Variants in SMG6 observed in about 807,000 individuals in gnomAD.
The protein encoded by SMG6 is SMG6 nonsense mediated mRNA decay factor, also known as telomerase-binding protein EST1A.
Under a neutral mutation model 142.2 loss-of-function variants are expected in SMG6, and 66 were observed. That is an observed-to-expected ratio of 0.46 (90% CI 0.38 to 0.57). SMG6 has a LOEUF of 0.57. Ranked by LOEUF, SMG6 falls within the 20% of genes least tolerant of loss-of-function variation. The pLI is 0.00. For missense variants in SMG6, 1,793 were observed against 1,832.0 expected, an observed-to-expected ratio of 0.98 and a Z score of 0.39; for synonymous variants, 779 against 702.4, an observed-to-expected ratio of 1.11 and a Z score of -1.72.
intron 8 of SMG6, among the ~76,000 whole-genome samples, chr17:2,276,297 C>T (rs1287373685): frequency 6.6e-6 from 1 of 152,134 alleles, no homozygotes; most frequent in African/African-American, 2.4e-5. Flanking sequence ...CATACACACG[C>T]ACACACCCCA....
At chr17:2,098,817 G>T (rs976027345) in intron 13 of SMG6, among the ~76,000 whole-genome samples, 1 of 150,556 alleles carries the variant, frequency 6.6e-6, no homozygotes, top group African/African-American at 2.4e-5. Context: ...TTTTAATAGA[G>T]ACGGAGCTTC....
chr17:2,098,244 C>G (rs757345835), intron 13 of SMG6, among the ~76,000 whole-genome samples: 43 of 152,168 alleles, frequency 2.8e-4, no homozygotes, highest in South Asian at 2.1e-4. Context: ...CCTCAGCCCC[C>G]CAAAGTGTTC....
chr17:2,133,685 G>A (rs1181916129), intron 13 of SMG6, among the ~76,000 whole-genome samples: 1 of 152,178 alleles, frequency 6.6e-6, no homozygotes, highest in African/African-American at 2.4e-5. Context: ...TTACAGGTAC[G>A]TGCTAACACA....
At chr17:2,120,896 G>A (rs141749506) in intron 13 of SMG6, among the ~76,000 whole-genome samples, 256 of 152,262 alleles carry the variant, frequency 1.7e-3, no homozygotes, top group Non-Finnish European at 3.0e-3. Flanking sequence ...TAGGGCAGGG[G>A]TATCCTGGGC....
intron 13 of SMG6, among the ~76,000 whole-genome samples, chr17:2,112,198 C>T (rs916982596): frequency 6.6e-6 from 1 of 151,750 alleles, no homozygotes; most frequent in African/African-American, 2.4e-5. Flanking sequence ...CCTATTACCG[C>T]TTCCCTCTTA....
intron 13 of SMG6, among the ~76,000 whole-genome samples, chr17:2,089,075 G>C (rs1448793134): frequency 2.0e-5 from 3 of 152,152 alleles, no homozygotes; most frequent in African/African-American, 4.8e-5. Context: ...GGACTTCCTG[G>C]TAGGAGAGGG....
chr17:2,266,211 ATG>A, intron 8 of SMG6: 1 of 984,646 alleles, frequency 1.0e-6, no homozygotes, highest in Non-Finnish European at 1.2e-6. Flanking sequence ...GACTTTCCGG[ATG>A]GTAACTAAAG....
chr17:2,253,983 G>A (rs1397285132), intron 8 of SMG6, among the ~76,000 whole-genome samples: 1 of 152,230 alleles, frequency 6.6e-6, no homozygotes, highest in Non-Finnish European at 1.5e-5. Context: ...GAAAGTGCCA[G>A]ATTAAGATTT....
rs764028681 is a variant in SMG6, at chr17:2,299,936, G to C, written c.817C>G (p.Leu273Val). ...CGGCGGCGACATCCATTATCCGTCAGGCCAGCTCCCTCAGCGCTGTTGTTG... is the reference window on the plus strand; with the variant it reads ...CGGCGGCGACATCCATTATCCGTCACGCCAGCTCCCTCAGCGCTGTTGTTG... ...GSNNSAEGAG[L>V]TDNGCRRRRQ... Residue 273 changes from leucine to valine, a missense_variant, in exon 2 of 19, where the codon CTG (leucine) becomes GTG (valine). Coordinates refer to ENST00000263073, the MANE Select transcript of SMG6 (RefSeq NM_017575.5). This position sits in a 1 kb window ranked among gnomAD's most constrained non-coding sequence, Gnocchi z 4.3. 3.1e-6 allele frequency: 5 copies of C among 1,613,998 alleles called. No homozygotes were observed. The highest frequency in any genetic ancestry group is 4.2e-6 in the Non-Finnish European group (5 of 1,180,046).
At position 2,085,440 on chromosome 17, in the gene SMG6, C is replaced by T. The variant is rs1473688346; in HGVS notation, c.3534+285G>A. On this transcript the variant is annotated intron_variant, in intron 14 of 18. Coordinates refer to ENST00000263073, the MANE Select transcript of SMG6 (RefSeq NM_017575.5). The surrounding 1 kb of genome is among the most constrained non-coding windows in gnomAD (Gnocchi z 4.1). ...ACCACCCCCCTCTCCCTTTCCTAAGCCTCGAGAGCTGCACATTATTCAACT... is the reference window on the plus strand; with the variant it reads ...ACCACCCCCCTCTCCCTTTCCTAAGTCTCGAGAGCTGCACATTATTCAACT... Among the ~76,000 whole-genome samples the T allele has an allele frequency of 1.3e-5, 2 of 152,190 alleles. No individual in the cohort carries two copies. The highest frequency in any genetic ancestry group is 2.9e-5 in the Non-Finnish European group (2 of 68,036).
Position 2,207,117 on chromosome 17 carries a change from C to CAAAAAAAAAAAAAA in SMG6, c.2870-18616_2870-18603dup, listed in dbSNP as rs34276256. ...TGAAATCTTGTCTCTACTAAAAATCCAAAAAAAAAAAAAAAAAAAAAAATA... is the reference window on the plus strand; with the variant it reads ...TGAAATCTTGTCTCTACTAAAAATCCAAAAAAAAAAAAAAAAAAAAAAAAAAAAAAAAAAAAATA... On this transcript the variant is annotated intron_variant, in intron 10 of 18. Transcript: ENST00000263073. Among the ~76,000 whole-genome samples the CAAAAAAAAAAAAAA allele has an allele frequency of 3.8e-5, 3 of 79,792 alleles. 1 individual carries two copies. Among genetic ancestry groups the CAAAAAAAAAAAAAA allele is most frequent in the Non-Finnish European group, 7.1e-5 (3 of 42,062 alleles). The allele number at this position is 79,792 out of a possible 152,430, so 52.3% of individuals were successfully genotyped here. A position where few individuals can be genotyped will look rare whatever the true frequency, so the allele number is the denominator to read the frequency against.
In SMG6 at chr17:2,236,557, C is replaced by T. The variant is rs749991783; in HGVS notation, c.2804G>A (p.Gly935Glu). 4.3e-6 allele frequency: 7 copies of T among 1,613,482 alleles called. No homozygotes were observed. In the South Asian group the frequency reaches 7.7e-5, roughly 18 times the overall value. ...VLLQHSPSPI[G>E]STRMLQLMTI... is the part of the protein sequence containing the mutation. ...CATAAGCTGCAGCATGCGGGTACTTCCAATGGGAGAGGGGCTGTGCTGCAG... is the reference window on the plus strand; with the variant it reads ...CATAAGCTGCAGCATGCGGGTACTTTCAATGGGAGAGGGGCTGTGCTGCAG... Residue 935 changes from glycine to glutamate, a missense_variant, in exon 10 of 19, where the codon GGA becomes GAA. Coordinates refer to ENST00000263073, the MANE Select transcript of SMG6 (RefSeq NM_017575.5).
At chr17:2,139,754 T>C (rs879695231) in intron 13 of SMG6, among the ~76,000 whole-genome samples, 582 of 124,988 alleles carry the variant, frequency 4.7e-3, no homozygotes, top group Middle Eastern at 0.024. Flanking sequence ...GAGATGGAGT[T>C]TCGCTCTGTC....
chr17:2,142,428 G>A (rs1278845784), intron 13 of SMG6, among the ~76,000 whole-genome samples: 2 of 149,606 alleles, frequency 1.3e-5, no homozygotes, highest in Non-Finnish European at 3.0e-5. Flanking sequence ...GAGGATCGCT[G>A]GAGCCCAGGA....
At chr17:2,262,938 T>G (rs765428003) in intron 8 of SMG6, among the ~76,000 whole-genome samples, 2 of 151,716 alleles carry the variant, frequency 1.3e-5, no homozygotes, top group Admixed American at 1.3e-4. Context: ...AATGGGCAAG[T>G]GAAAAGAGAA....
At chr17:2,290,472 C>T (rs1245240841) in intron 6 of SMG6, among the ~76,000 whole-genome samples, 2 of 152,184 alleles carry the variant, frequency 1.3e-5, no homozygotes, top group African/African-American at 4.8e-5. Flanking sequence ...AAATGTATTA[C>T]AGACTTAAAT....
At position 2,208,539 on chromosome 17, in the gene SMG6, C is replaced by T. The variant is rs374763451; in HGVS notation, c.2870-20024G>A. Among the ~76,000 whole-genome samples the T allele has an allele frequency of 5.9e-5, 9 of 152,318 alleles. No homozygotes were observed. The South Asian group carries it at 1.4e-3, about 25-fold the overall frequency. ...GCCTGGGTGTTGAAGCTGATCTGAA[C>T]GGTACTTCACATGGTGCTGAACCAA... On this transcript the variant is annotated intron_variant, in intron 10 of 18. Transcript: ENST00000263073.
chr17:2,162,131 A>G lies in SMG6; in HGVS notation c.3357+10527T>C, dbSNP rs186062150. On this transcript the variant is annotated intron_variant, in intron 13 of 18. Coordinates refer to ENST00000263073, the MANE Select transcript of SMG6 (RefSeq NM_017575.5). Reference sequence around the variant, plus strand: ...ATTGTGCAGCTCTTAAATTCATGTTATAGGTAAACATGGAAATATATATTT... The same window carrying G: ...ATTGTGCAGCTCTTAAATTCATGTTGTAGGTAAACATGGAAATATATATTT... Among the ~76,000 whole-genome samples, 179 of 152,330 alleles carry G rather than the reference A, an allele frequency of 1.2e-3. No individual in the cohort carries two copies. In the Middle Eastern group the frequency reaches 0.014, roughly 12 times the overall value.
rs561558763 is a variant in SMG6, at chr17:2,283,741, G to C, written c.2338-6C>G. ...ACAGCGTCAAGCTTCCTCCTCTGTG[G>C]AAAGAGGCCAGAGACATTCAGTCAA... On this transcript the variant is annotated splice_polypyrimidine_tract_variant and splice_region_variant and intron_variant, in intron 6 of 18. Transcript: ENST00000263073. The C allele has an allele frequency of 1.2e-6, 2 of 1,609,488 alleles. No homozygotes were observed. Among genetic ancestry groups the C allele is most frequent in the East Asian group, 2.2e-5 (1 of 44,852 alleles).
Sources: gnomAD v4.1 joint callset for allele counts (sites outside exome capture counted in the v4.1 genomes callset) on GRCh38, gnomAD v4.1.1 for gene constraint, Gnocchi (gnomAD v3.1) non-coding constraint, MANE v1.5 for transcripts, NCBI Gene and HGNC (gene_info 2026-07-23, HGNC 2026-07-21) for gene names.